The following ADAMTS9 variants were observed in gnomAD, a reference collection of about 807,000 sequenced individuals.
The protein encoded by ADAMTS9 is ADAM metallopeptidase with thrombospondin type 1 motif 9.
A neutral mutation model predicts 257.1 loss-of-function variants in ADAMTS9; 107 were observed. The observed-to-expected ratio is 0.42, with a 90% CI of 0.36 to 0.49. ADAMTS9 has a LOEUF of 0.49. Ranked by LOEUF, ADAMTS9 falls within the 20% of genes least tolerant of loss-of-function variation. The pLI is 0.03. For synonymous variants in ADAMTS9, 982 were observed against 880.9 expected (o/e 1.11, Z -2.03); for missense variants, 2,353 against 2,469.1 (o/e 0.95, Z 1.00).
intron 39 of ADAMTS9, among the ~76,000 whole-genome samples, chr3:64,517,378 T>TACAGGTGC (rs1419325278): frequency 3.5e-5 from 5 of 142,836 alleles, no homozygotes; most frequent in Non-Finnish European, 7.6e-5. Flanking sequence ...TAGCTGGGTC[T>TACAGGTGC]ACAGGTGCAA....
At chr3:64,544,918 G>GA (rs767525955) in intron 32 of ADAMTS9, among the ~76,000 whole-genome samples, 7 of 151,954 alleles carry the variant, frequency 4.6e-5, no homozygotes, top group Non-Finnish European at 7.4e-5. Context: ...AAATTTACAA[G>GA]AAAAAATCAA....
At chr3:64,560,997 C>T (rs376123868) in intron 30 of ADAMTS9, among the ~76,000 whole-genome samples, 1 of 151,836 alleles carries the variant, frequency 6.6e-6, no homozygotes, top group East Asian at 1.9e-4. Flanking sequence ...AACTTGAAGC[C>T]AGGGAAAAAG....
chr3:64,521,700 A>T (rs537257323), intron 39 of ADAMTS9: 1 of 152,590 alleles, frequency 6.6e-6, no homozygotes, highest in African/African-American at 2.4e-5. Flanking sequence ...CAAAAAATCA[A>T]ATACCATATG....
Position 64,621,060 on chromosome 3 carries a change from C to T in ADAMTS9, c.2813+54G>A, listed in dbSNP as rs954453071. ...CCTTTTGCTTCTCCTGCTGGGACCT[C>T]CTGCAAGACTCTCACAATTCAGTAA... On this transcript the variant is annotated intron_variant, in intron 19 of 39. Transcript: ENST00000498707. The T allele has an allele frequency of 2.6e-6, 4 of 1,560,132 alleles. No individual in the cohort carries two copies. In the African/African-American group the frequency reaches 5.5e-5, roughly 21 times the overall value.
chr3:64,546,627 A>T, intron 32 of ADAMTS9, 131 bp downstream of exon 32: 1 of 964,536 alleles, frequency 1.0e-6, no homozygotes, highest in Non-Finnish European at 1.5e-6. Context: ...CTGTTAGCCC[A>T]TTTCAAGTTG....
At position 64,633,765 on chromosome 3, in the gene ADAMTS9, A is replaced by G. The variant is rs778698604; in HGVS notation, c.1971T>C (p.Phe657=). Residue 657 remains phenylalanine, a synonymous_variant, in exon 13 of 40, where the codon TTT becomes TTC. Transcript: ENST00000498707. The part of the protein sequence containing the change: ...RDFRDEQCAH[F]DGKHFNINGL... ...CGTTGATGTTAAAATGCTTCCCGTC[A>G]AAGTGAGCACACTGTTCATCTCGGA... The G allele has an allele frequency of 5.6e-6, 9 of 1,613,616 alleles. No individual in the cohort carries two copies. The South Asian group carries it at 8.8e-5, about 16-fold the overall frequency.
At chr3:64,558,226 G>A (rs1047467728) in intron 30 of ADAMTS9, among the ~76,000 whole-genome samples, 6 of 152,158 alleles carry the variant, frequency 3.9e-5, no homozygotes, top group African/African-American at 7.2e-5. Context: ...AGGTGCCAGC[G>A]TGCAAGCTTC....
chr3:64,673,930 G>A (rs924641388), intron 3 of ADAMTS9, among the ~76,000 whole-genome samples: 2 of 151,870 alleles, frequency 1.3e-5, no homozygotes, highest in African/African-American at 4.8e-5. Flanking sequence ...TATGCTTGAA[G>A]ATGTTCATAA....
intron 26 of ADAMTS9, among the ~76,000 whole-genome samples, chr3:64,600,648 T>C (rs2084443076): frequency 6.6e-6 from 1 of 152,232 alleles, no homozygotes; most frequent in Non-Finnish European, 1.5e-5. Context: ...GATCACCTTT[T>C]ACTTTCTCAG....
rs147361168 is a variant in ADAMTS9 at position 64,680,398 on chromosome 3, G to A, written c.679+803C>T. On this transcript the variant is annotated intron_variant, in intron 3 of 39. Transcript: ENST00000498707. ...AGTATTTTCACGAACATCCTAAGACGCAGGACCAAATTGAGGAATTATTTC... is the reference window on the plus strand; with the variant it reads ...AGTATTTTCACGAACATCCTAAGACACAGGACCAAATTGAGGAATTATTTC... 1.1e-4 allele frequency among the ~76,000 whole-genome samples: 16 copies of A among 152,220 alleles called. No homozygotes were observed. The East Asian group carries it at 1.7e-3, about 17-fold the overall frequency.
intron 19 of ADAMTS9, 121 bp downstream of exon 19, chr3:64,620,993 C>T: frequency 7.9e-7 from 1 of 1,264,824 alleles, no homozygotes; most frequent in Non-Finnish European, 1.1e-6. Flanking sequence ...AAGCTTATTT[C>T]ACTGAAACAC....
intron 28 of ADAMTS9, 49 bp downstream of exon 28, chr3:64,594,209 C>T: frequency 6.4e-7 from 1 of 1,561,582 alleles, no homozygotes; most frequent in Non-Finnish European, 8.7e-7. Flanking sequence ...CCCAGAATAC[C>T]TTGGAATTAG....
chr3:64,615,898 G>A, intron 20 of ADAMTS9, 62 bp downstream of exon 20: 1 of 1,593,788 alleles, frequency 6.3e-7, no homozygotes. Context: ...ACACCTGCAA[G>A]GAGCCACCAT....
Position 64,522,236 on chromosome 3 carries a change from A to G in ADAMTS9, c.5743T>C (p.Cys1915Arg). 1 of 1,614,000 alleles carries G rather than the reference A, an allele frequency of 6.2e-7. No individual in the cohort carries two copies. The highest frequency in any genetic ancestry group is 8.5e-7 in the Non-Finnish European group (1 of 1,179,946). ...GTGCATTTTCCACAGTAACCACCGC[A>G]TTTCCCTACGACTCGGGTACCATCC... is the stretch of plus-strand genomic sequence containing the variant. ...SPDGTRVVGK[C>R]GGYCGKCTPS... The change falls in exon 39 of 40, where the codon TGC becomes CGC. Residue 1915 changes from cysteine to arginine, a missense_variant. By Grantham distance (180) the Cys-to-Arg change is radical. Around this residue, in one of 3 missense-constraint regions of ADAMTS9, gnomAD observed 1,402 missense variants for 1,441.4 expected, o/e 0.97. Coordinates refer to ENST00000498707, the MANE Select transcript of ADAMTS9 (RefSeq NM_182920.2).
chr3:64,586,596 G>A (rs1210307694), intron 28 of ADAMTS9: 2 of 152,146 alleles, frequency 1.3e-5, no homozygotes, highest in Non-Finnish European at 2.9e-5. Flanking sequence ...CACTGAGGAA[G>A]AGAACTGATG....
intron 11 of ADAMTS9, among the ~76,000 whole-genome samples, chr3:64,646,893 A>T (rs1037355199): frequency 1.3e-4 from 20 of 152,122 alleles, no homozygotes; most frequent in South Asian, 1.0e-3. Flanking sequence ...GACTGTGGAC[A>T]AGTTACTCAT....
chr3:64,542,874 C>T (rs985737089), intron 32 of ADAMTS9, among the ~76,000 whole-genome samples: 16 of 151,546 alleles, frequency 1.1e-4, no homozygotes, highest in African/African-American at 3.9e-4. Context: ...ACTAGCAAGA[C>T]TAATAAAGAA....
In ADAMTS9 at chr3:64,516,200, C is replaced by T. The variant is rs2082773117; in HGVS notation, c.*927G>A. On this transcript the variant is annotated 3_prime_UTR_variant, in exon 40 of 40. Coordinates refer to ENST00000498707, the MANE Select transcript of ADAMTS9 (RefSeq NM_182920.2). ...ATTCTGTGCATCCTGTGTCTTTCTACTGGTAAACTTGGATGTCATTTTAGA... is the reference window on the plus strand; with the variant it reads ...ATTCTGTGCATCCTGTGTCTTTCTATTGGTAAACTTGGATGTCATTTTAGA... 1 of 152,498 alleles carries T rather than the reference C, an allele frequency of 6.6e-6. No homozygotes were observed. Among genetic ancestry groups the T allele is most frequent in the African/African-American group, 2.4e-5 (1 of 41,428 alleles). The allele number at this position is 152,498 out of a possible 1,614,324, so 9.4% of individuals were successfully genotyped here.
intron 28 of ADAMTS9, among the ~76,000 whole-genome samples, chr3:64,573,223 G>C (rs995211318): frequency 1.3e-5 from 2 of 152,164 alleles, no homozygotes; most frequent in Non-Finnish European, 2.9e-5. Flanking sequence ...ATGGGCCAGG[G>C]GGACAGCCCT....
Sources: allele counts gnomAD v4.1 joint callset (sites outside exome capture counted in the v4.1 genomes callset), GRCh38; gene constraint gnomAD v4.1.1; regional missense constraint gnomAD v4.1.1; transcripts MANE v1.5; gene names NCBI Gene and HGNC (gene_info 2026-07-23, HGNC 2026-07-21).